Variants in DGCR2 observed in about 807,000 individuals in gnomAD.
DGCR2 encodes the protein DiGeorge syndrome critical region gene 2.
DGCR2 carries 24 observed loss-of-function variants against 51.6 expected under a neutral mutation model. That is an observed-to-expected ratio of 0.47 (90% confidence interval 0.34 to 0.65). The LOEUF (loss-of-function observed/expected upper bound fraction) is 0.65. Among genes scored for constraint, DGCR2 ranks in the 30% least tolerant of loss-of-function variants. DGCR2 has a pLI of 0.01. For synonymous variants in DGCR2, 340 were observed against 315.4 expected, an observed-to-expected ratio of 1.08 and a Z score of -0.82; for missense variants, 765 against 772.1, an observed-to-expected ratio of 0.99 and a Z score of 0.11.
chr22:19,122,237 T>G lies in DGCR2; in HGVS notation c.-31A>C. 6.8e-7 allele frequency: 1 copy of G among 1,473,830 alleles called. No homozygotes were observed. Among genetic ancestry groups the G allele is most frequent in the Non-Finnish European group, 9.1e-7 (1 of 1,104,536 alleles). 91.3% of individuals were successfully genotyped at this position (1,473,830 alleles called of 1,614,324 possible). On this transcript the variant is annotated 5_prime_UTR_variant, in exon 1 of 10. Coordinates refer to ENST00000263196, the MANE Select transcript of DGCR2 (RefSeq NM_005137.3). ...CTCCGTTCATCGTCCCCGGGGCGGCTGGAAGGCCGGACCAGGCCGGACTGA... is the reference window on the plus strand; with the variant it reads ...CTCCGTTCATCGTCCCCGGGGCGGCGGGAAGGCCGGACCAGGCCGGACTGA...
At chr22:19,040,757 C>T (rs576554242) in intron 9 of DGCR2, among the ~76,000 whole-genome samples, 77 of 152,332 alleles carry the variant, frequency 5.1e-4, no homozygotes, top group African/African-American at 1.8e-3. Context: ...GTCTCTAGAG[C>T]TGGGCTGAGG....
rs1569052709 is a variant in DGCR2, at chr22:19,062,774, T to TTCTCTCTCTCTCTCTCTCTCTCTC, written c.625+427_625+428insGAGAGAGAGAGAGAGAGAGAGAGA. Among the ~76,000 whole-genome samples, 26 of 113,872 alleles carry TTCTCTCTCTCTCTCTCTCTCTCTC rather than the reference T, an allele frequency of 2.3e-4. 1 individual carries two copies. Among genetic ancestry groups the TTCTCTCTCTCTCTCTCTCTCTCTC allele is most frequent in the Non-Finnish European group, 3.8e-4 (20 of 52,328 alleles). 74.7% of individuals were successfully genotyped at this position (113,872 alleles called of 152,430 possible). A position where few individuals can be genotyped will look rare whatever the true frequency, so the allele number is the denominator to read the frequency against. On this transcript the variant is annotated intron_variant, in intron 5 of 9. Transcript: ENST00000263196. ...ATCTTTGCGCACACACACACATGCA[T>TTCTCTCTCTCTCTCTCTCTCTCTC]GCTCACTCTCTCTCTCTCTCTCTCT...
At chr22:19,042,278 G>A (rs1373824406) in intron 7 of DGCR2, among the ~76,000 whole-genome samples, 1 of 152,294 alleles carries the variant, frequency 6.6e-6, no homozygotes, top group African/African-American at 2.4e-5. Flanking sequence ...CTCCTAGGAG[G>A]CTGCGCTCAT....
At chr22:19,041,704 C>T in intron 8 of DGCR2, 103 bp downstream of exon 8, 4 of 1,375,904 alleles carry the variant, frequency 2.9e-6, no homozygotes, top group Non-Finnish European at 4.0e-6. Flanking sequence ...GCCTTCAAAC[C>T]TGCCTCTGCC....
intron 6 of DGCR2, among the ~76,000 whole-genome samples, chr22:19,054,992 T>G (rs1367630026): frequency 2.0e-5 from 3 of 152,120 alleles, no homozygotes; most frequent in African/African-American, 7.2e-5. Context: ...GGCACATGTC[T>G]GTAATCCCAG....
intron 1 of DGCR2, among the ~76,000 whole-genome samples, chr22:19,091,606 ACAAG>A (rs1171291923): frequency 1.3e-5 from 2 of 152,302 alleles, no homozygotes; most frequent in Admixed American, 1.3e-4. Flanking sequence ...TCTTGATAGA[ACAAG>A]CAGATAGAAA....
intron 3 of DGCR2, among the ~76,000 whole-genome samples, chr22:19,066,506 G>GT: frequency 6.6e-6 from 1 of 152,290 alleles, no homozygotes; most frequent in East Asian, 1.9e-4. Flanking sequence ...CATTCATTGC[G>GT]TGTTTCCTGG....
intron 2 of DGCR2, among the ~76,000 whole-genome samples, chr22:19,070,648 C>T (rs564069776): frequency 1.6e-4 from 25 of 152,286 alleles, no homozygotes; most frequent in Non-Finnish European, 4.4e-5. Flanking sequence ...GGTGGGAGAC[C>T]AGGTGAAATA....
chr22:19,084,849 G>A (rs1421037935), intron 2 of DGCR2, among the ~76,000 whole-genome samples: 1 of 150,236 alleles, frequency 6.7e-6, no homozygotes, highest in Non-Finnish European at 1.5e-5. Flanking sequence ...CGTCCGGGAG[G>A]TGGGGGGCGC....
intron 1 of DGCR2, among the ~76,000 whole-genome samples, chr22:19,116,845 A>G (rs913902346): frequency 6.6e-6 from 1 of 152,068 alleles, no homozygotes; most frequent in African/African-American, 2.4e-5. Flanking sequence ...ACCTGCCATC[A>G]GTGTTGAGAG....
At chr22:19,046,171 CCTTTT>C (rs1183829202) in intron 7 of DGCR2, 1 of 152,172 alleles carries the variant, frequency 6.6e-6, no homozygotes, top group Non-Finnish European at 1.5e-5. Context: ...TGGTATCTTT[CCTTTT>C]ATTTAAGCCT....
rs2082614272 is a variant in DGCR2, at chr22:19,057,258, A to G, written c.626-96T>C. ...ACCATGGCGTCAGACAGGATCATCA[A>G]CCACAGGGCCTGGACCGCCAAGTAC... On this transcript the variant is annotated intron_variant, in intron 5 of 9. Coordinates refer to ENST00000263196, the MANE Select transcript of DGCR2 (RefSeq NM_005137.3). This position sits in a 1 kb window ranked among gnomAD's most constrained non-coding sequence, Gnocchi z 5.1. The G allele has an allele frequency of 7.5e-7, 1 of 1,333,524 alleles. No homozygotes were observed. The highest frequency in any genetic ancestry group is 1.0e-6 in the Non-Finnish European group (1 of 989,434). 82.6% of individuals were successfully genotyped at this position (1,333,524 alleles called of 1,614,324 possible).
At chr22:19,042,232 C>T (rs1004202705) in intron 7 of DGCR2, among the ~76,000 whole-genome samples, 13 of 152,222 alleles carry the variant, frequency 8.5e-5, no homozygotes, top group Non-Finnish European at 1.8e-4. Context: ...TGACCATCAC[C>T]GGAGCAAACT....
At chr22:19,056,468 G>GT in intron 6 of DGCR2, 2 of 549,258 alleles carry the variant, frequency 3.6e-6, no homozygotes, top group South Asian at 3.8e-5. Context: ...CCAGAAGCCT[G>GT]TGATGGTGAA....
At position 19,063,344 on chromosome 22, in the gene DGCR2, G is replaced by C. The variant is rs1369263567; in HGVS notation, c.549-66C>G. On this transcript the variant is annotated intron_variant, in intron 4 of 9. Coordinates refer to ENST00000263196, the MANE Select transcript of DGCR2 (RefSeq NM_005137.3). ...GAGGGATGCAACCATCAATGACTGT[G>C]TGTTTTTTGTTTTTTGAGACAGAGT... The C allele has an allele frequency of 1.3e-5, 20 of 1,505,256 alleles. No individual in the cohort carries two copies. The Middle Eastern group carries it at 6.8e-4, about 51-fold the overall frequency. 93.2% of individuals were successfully genotyped at this position (1,505,256 alleles called of 1,614,324 possible).
intron 6 of DGCR2, among the ~76,000 whole-genome samples, chr22:19,052,359 T>C (rs575266728): frequency 6.6e-6 from 1 of 151,598 alleles, no homozygotes; most frequent in East Asian, 1.9e-4. Context: ...GAAGCTGCAG[T>C]GAGCCAAGAC....
chr22:19,064,786 C>T, intron 4 of DGCR2, 62 bp downstream of exon 4: 1 of 1,498,260 alleles, frequency 6.7e-7, no homozygotes, highest in Non-Finnish European at 9.2e-7. Context: ...GGTCAGAGGC[C>T]ATGTGCTCAG....
intron 1 of DGCR2, 108 bp downstream of exon 1, chr22:19,122,020 C>T: frequency 1.3e-6 from 1 of 744,254 alleles, no homozygotes. Context: ...CCGCCCCTGC[C>T]CCAGGCGCGG....
intron 2 of DGCR2, among the ~76,000 whole-genome samples, chr22:19,072,260 C>T (rs1349298779): frequency 6.6e-6 from 1 of 152,074 alleles, no homozygotes; most frequent in East Asian, 1.9e-4. Flanking sequence ...AGGCTCCAGG[C>T]AGATAGGAAA....
Sources: gnomAD v4.1 joint callset for allele counts (sites outside exome capture counted in the v4.1 genomes callset) on GRCh38, gnomAD v4.1.1 for gene constraint, Gnocchi (gnomAD v3.1) non-coding constraint, MANE v1.5 for transcripts, NCBI Gene and HGNC (gene_info 2026-07-23, HGNC 2026-07-21) for gene names.